ARIH1: variants seen among roughly 807,000 people sequenced by gnomAD.
The protein encoded by ARIH1 is ariadne RBR E3 ubiquitin protein ligase 1.
A neutral mutation model predicts 85.0 loss-of-function variants in ARIH1; 8 were observed. The ratio of observed to expected loss-of-function variants is 0.09; its 90% CI spans 0.06 to 0.17. The LOEUF (loss-of-function observed/expected upper bound fraction) is 0.17. ARIH1 is among the 10% of genes least tolerant of loss of function. ARIH1 has a pLI of 1.00. For synonymous variants in ARIH1, 238 were observed against 253.6 expected (o/e 0.94, Z 0.59); for missense variants, 311 against 718.1 (o/e 0.43, Z 6.48).
intron 2 of ARIH1, among the ~76,000 whole-genome samples, chr15:72,525,864 C>T (rs1257732869): frequency 1.3e-5 from 2 of 151,754 alleles, no homozygotes; most frequent in Non-Finnish European, 2.9e-5. Context: ...TGGTCTCAAA[C>T]TCCTAGACAC....
At chr15:72,556,603 T>C (rs532377603) in intron 5 of ARIH1, among the ~76,000 whole-genome samples, 1 of 152,342 alleles carries the variant, frequency 6.6e-6, no homozygotes, top group African/African-American at 2.4e-5. Context: ...CAGGTATACA[T>C]GTGCAGGTTT....
intron 11 of ARIH1, among the ~76,000 whole-genome samples, chr15:72,574,933 CAAA>C (rs992330320): frequency 2.4e-4 from 27 of 114,744 alleles, no homozygotes; most frequent in Non-Finnish European, 3.6e-4. Context: ...AAAAAAAAAA[CAAA>C]GAAGGTTTTT....
At chr15:72,530,526 C>T (rs550313270) in intron 2 of ARIH1, among the ~76,000 whole-genome samples, 2 of 152,208 alleles carry the variant, frequency 1.3e-5, no homozygotes, top group South Asian at 4.1e-4. Flanking sequence ...TTAAGATAGC[C>T]CCCGTATATA....
At chr15:72,555,424 C>A in intron 4 of ARIH1, 61 bp downstream of exon 4, 1 of 1,125,194 alleles carries the variant, frequency 8.9e-7, no homozygotes, top group Non-Finnish European at 1.3e-6. Context: ...AAGACCCTTG[C>A]ACAAATTTGC....
chr15:72,521,440 A>G (rs2063999538), intron 2 of ARIH1, among the ~76,000 whole-genome samples: 1 of 152,046 alleles, frequency 6.6e-6, no homozygotes, highest in Non-Finnish European at 1.5e-5. Context: ...TGGTTTTGGA[A>G]ATTCTCAGCT....
intron 1 of ARIH1, among the ~76,000 whole-genome samples, chr15:72,504,243 T>G (rs2063915272): frequency 6.6e-6 from 1 of 152,040 alleles, no homozygotes; most frequent in Non-Finnish European, 1.5e-5. Flanking sequence ...TTAGTAGAGA[T>G]GGCGTTTTGC....
chr15:72,478,409 G>A (rs549105801), intron 1 of ARIH1, among the ~76,000 whole-genome samples: 8 of 152,240 alleles, frequency 5.3e-5, no homozygotes, highest in Admixed American at 1.3e-4. Context: ...GAGCCACCGC[G>A]CCCAGCCTAA....
intron 1 of ARIH1, among the ~76,000 whole-genome samples, chr15:72,479,858 T>G (rs1166067141): frequency 6.6e-6 from 1 of 151,984 alleles, no homozygotes; most frequent in African/African-American, 2.4e-5. Context: ...AGGAAGACAG[T>G]GTACTATTCT....
In ARIH1 at chr15:72,511,825, A is replaced by G. The variant is rs577021818; in HGVS notation, c.376-6242A>G. On this transcript the variant is annotated intron_variant, in intron 1 of 13. Transcript: ENST00000379887. ...CTGAGAGTGACTGGGCAGCTGGCCT[A>G]GAAGTGCCTCTTCTAGGCACTTCTT... Among the ~76,000 whole-genome samples, 47 of 152,276 alleles carry G rather than the reference A, an allele frequency of 3.1e-4. No homozygotes were observed. The South Asian group carries it at 9.7e-3, about 32-fold the overall frequency.
At chr15:72,513,195 A>G (rs979744318) in intron 1 of ARIH1, among the ~76,000 whole-genome samples, 1 of 152,150 alleles carries the variant, frequency 6.6e-6, no homozygotes, top group African/African-American at 2.4e-5. Context: ...TAGGTCTTTT[A>G]AAATTACTTT....
In ARIH1 at chr15:72,474,803, G is replaced by C. The variant is rs1239114198; in HGVS notation, c.164G>C (p.Gly55Ala). The stretch of plus-strand genomic sequence containing the variant: ...CTGGTGGAGCCCGGGCTGGGCGTCG[G>C]CGGGGAGCGGGACGGACTGCTGTGC... The part of the protein sequence containing the change: ...VELVEPGLGV[G>A]GERDGLLCGE... Residue 55 changes from glycine (G) to alanine (A), a missense_variant, in exon 1 of 14, where the codon GGC (glycine) becomes GCC (alanine). Gly to Ala is a moderately conservative substitution (Grantham distance 60). This residue lies in a region of ARIH1 where 157 missense variants were observed against 185.1 expected (regional missense o/e 0.85). Coordinates refer to ENST00000379887, the MANE Select transcript of ARIH1 (RefSeq NM_005744.5). 3 of 1,494,446 alleles carry C rather than the reference G, an allele frequency of 2.0e-6. No individual in the cohort carries two copies. The highest frequency in any genetic ancestry group is 1.8e-6 in the Non-Finnish European group (2 of 1,117,626). 92.6% of individuals were successfully genotyped at this position (1,494,446 alleles called of 1,614,324 possible).
At chr15:72,517,968 G>T in intron 1 of ARIH1, 99 bp from the exon 2 acceptor site, 1 of 759,668 alleles carries the variant, frequency 1.3e-6, no homozygotes, top group Non-Finnish European at 2.2e-6. Context: ...TGGAAATTTG[G>T]GTGGAGTATT....
At chr15:72,552,701 A>C (rs1595868099) in intron 3 of ARIH1, among the ~76,000 whole-genome samples, 1 of 152,090 alleles carries the variant, frequency 6.6e-6, no homozygotes, top group South Asian at 2.1e-4. Flanking sequence ...CTCTGGAAGA[A>C]TATGTAAAAA....
chr15:72,493,497 C>G (rs2063867704), intron 1 of ARIH1, among the ~76,000 whole-genome samples: 1 of 152,128 alleles, frequency 6.6e-6, no homozygotes, highest in Admixed American at 6.5e-5. Flanking sequence ...ATTGCAGATA[C>G]TGAAGGGTTG....
intron 1 of ARIH1, among the ~76,000 whole-genome samples, chr15:72,478,610 G>A (rs2063803468): frequency 6.6e-6 from 1 of 152,160 alleles, no homozygotes. Context: ...TGCCTAAGGA[G>A]CATATAGGGA....
intron 1 of ARIH1, among the ~76,000 whole-genome samples, chr15:72,507,046 G>A (rs928645780): frequency 2.6e-5 from 4 of 151,698 alleles, no homozygotes; most frequent in Admixed American, 6.6e-5. Context: ...TTTTTGAAAC[G>A]CAGTCGTGCC....
At position 72,583,981 on chromosome 15, in the gene ARIH1, T is replaced by A. The variant is rs1455588758; in HGVS notation, c.*689T>A. 1 of 152,164 alleles carries A rather than the reference T, an allele frequency of 6.6e-6. No homozygotes were observed. Among genetic ancestry groups the A allele is most frequent in the Admixed American group, 6.5e-5 (1 of 15,268 alleles). 9.4% of individuals were successfully genotyped at this position (152,164 alleles called of 1,614,324 possible). A position where few individuals can be genotyped will look rare whatever the true frequency, so the allele number is the denominator to read the frequency against. ...TGCATAATGTTTAATTACAAAAAAATATTTATTCTTTAAAAATCTTCAAGA... is the reference window on the plus strand; with the variant it reads ...TGCATAATGTTTAATTACAAAAAAAAATTTATTCTTTAAAAATCTTCAAGA... On this transcript the variant is annotated 3_prime_UTR_variant, in exon 14 of 14. Transcript: ENST00000379887.
chr15:72,578,306 A>G (rs2064280595), intron 11 of ARIH1, among the ~76,000 whole-genome samples: 1 of 152,168 alleles, frequency 6.6e-6, no homozygotes, highest in Admixed American at 6.5e-5. Flanking sequence ...TTTTTTCTAT[A>G]ACAACGATGA....
chr15:72,508,575 G>T lies in ARIH1; in HGVS notation c.376-9492G>T, dbSNP rs2063935931. ...TCATATCTAACTTGCATAAAATATT[G>T]ATGTGAGTATTAAATGAAATAATGT... On this transcript the variant is annotated intron_variant, in intron 1 of 13. Transcript: ENST00000379887. Among the ~76,000 whole-genome samples, 3 of 152,220 alleles carry T rather than the reference G, an allele frequency of 2.0e-5. No homozygotes were observed. The South Asian group carries it at 6.2e-4, about 32-fold the overall frequency.
Sources: allele counts gnomAD v4.1 joint callset (sites outside exome capture counted in the v4.1 genomes callset), GRCh38; gene constraint gnomAD v4.1.1; regional missense constraint gnomAD v4.1.1; transcripts MANE v1.5; gene names NCBI Gene and HGNC (gene_info 2026-07-23, HGNC 2026-07-21).